PXDNL: variants seen among roughly 807,000 people sequenced by gnomAD.
The protein encoded by PXDNL is probable oxidoreductase PXDNL.
In PXDNL, 145 loss-of-function variants were observed where a neutral mutation model predicts 150.8. That is an observed-to-expected ratio of 0.96 (90% CI 0.84 to 1.10). The LOEUF (loss-of-function observed/expected upper bound fraction) is 1.10. PXDNL is among the 50% of genes least tolerant of loss of function. The pLI is 0.00. For synonymous variants in PXDNL, 757 were observed against 725.7 expected, an observed-to-expected ratio of 1.04 and a Z score of -0.69; for missense variants, 2,087 against 1,873.9, an observed-to-expected ratio of 1.11 and a Z score of -2.10.
intron 2 of PXDNL, among the ~76,000 whole-genome samples, chr8:51,620,363 A>G (rs1003303031): frequency 5.9e-5 from 9 of 152,208 alleles, no homozygotes; most frequent in African/African-American, 2.2e-4. Context: ...AAGTTTCCAA[A>G]TCTGCTGTAC....
intron 4 of PXDNL, among the ~76,000 whole-genome samples, chr8:51,535,613 C>A (rs891791229): frequency 7.3e-6 from 1 of 137,258 alleles, no homozygotes; most frequent in East Asian, 2.1e-4. Flanking sequence ...CTAGGAAAAC[C>A]AGAGACCTTT....
intron 13 of PXDNL, among the ~76,000 whole-genome samples, 192 bp from the exon 14 acceptor site, chr8:51,423,923 T>A (rs1175518383): frequency 6.6e-6 from 1 of 151,984 alleles, no homozygotes; most frequent in African/African-American, 2.4e-5. Flanking sequence ...GGAAGTGTGG[T>A]TTTTCTCTCT....
chr8:51,472,343 C>T lies in PXDNL; in HGVS notation c.695-39G>A, dbSNP rs201143656. ...ATTATTGATGTATTTTTCAGAGATACAAAATTATGGCCTTCCAAGATGCTG... is the reference window on the plus strand; with the variant it reads ...ATTATTGATGTATTTTTCAGAGATATAAAATTATGGCCTTCCAAGATGCTG... On this transcript the variant is annotated intron_variant, in intron 7 of 22. Coordinates refer to ENST00000356297, the MANE Select transcript of PXDNL (RefSeq NM_144651.5). 293 of 1,485,280 alleles carry T rather than the reference C, an allele frequency of 2.0e-4. 2 individuals carry two copies. The African/African-American group carries it at 3.7e-3, about 19-fold the overall frequency. 92.0% of individuals were successfully genotyped at this position (1,485,280 alleles called of 1,614,324 possible).
intron 4 of PXDNL, among the ~76,000 whole-genome samples, chr8:51,517,102 G>A (rs921140763): frequency 3.9e-5 from 6 of 151,968 alleles, no homozygotes; most frequent in Admixed American, 1.3e-4. Context: ...CTTTCACTAC[G>A]GATGCTCAGC....
At chr8:51,582,948 A>G (rs1585597699) in intron 3 of PXDNL, among the ~76,000 whole-genome samples, 1 of 152,210 alleles carries the variant, frequency 6.6e-6, no homozygotes, top group Non-Finnish European at 1.5e-5. Flanking sequence ...GGATAGTTAC[A>G]TTGAAGGAAT....
At position 51,331,557 on chromosome 8, in the gene PXDNL, G is replaced by T. The variant is rs115065202; in HGVS notation, c.4146+8067C>A. ...GGAAGAACTAAAGCCCTTTTCTTTC[G>T]TAGCTGGGAGGCAGAAAGCCTGAAA... On this transcript the variant is annotated intron_variant, in intron 21 of 22. Transcript: ENST00000356297. Among the ~76,000 whole-genome samples, 772 of 152,212 alleles carry T rather than the reference G, an allele frequency of 5.1e-3. 6 individuals are homozygous for T. Among genetic ancestry groups the T allele is most frequent in the African/African-American group, 0.018 (744 of 41,540 alleles).
intron 3 of PXDNL, among the ~76,000 whole-genome samples, chr8:51,583,780 A>G (rs1279312330): frequency 6.6e-6 from 1 of 152,184 alleles, no homozygotes; most frequent in Non-Finnish European, 1.5e-5. Flanking sequence ...TGTTGGATGG[A>G]TGGACAGATG....
Position 51,618,084 on chromosome 8 carries a change from A to C in PXDNL, c.237-25386T>G, listed in dbSNP as rs368371759. On this transcript the variant is annotated intron_variant, in intron 2 of 22. Coordinates refer to ENST00000356297, the MANE Select transcript of PXDNL (RefSeq NM_144651.5). Reference sequence around the variant, plus strand: ...GCAGCTCCCTGGTGAGTCATTGTGCAACAAAAATGGCCTTCTGGGCCCCCA... The same window carrying C: ...GCAGCTCCCTGGTGAGTCATTGTGCCACAAAAATGGCCTTCTGGGCCCCCA... 2.5e-3 allele frequency among the ~76,000 whole-genome samples: 383 copies of C among 152,354 alleles called. 3 individuals carry two copies. The highest frequency in any genetic ancestry group is 8.6e-3 in the African/African-American group (359 of 41,588).
At chr8:51,797,240 A>C (rs558863071) in intron 1 of PXDNL, among the ~76,000 whole-genome samples, 2 of 152,350 alleles carry the variant, frequency 1.3e-5, no homozygotes, top group Admixed American at 1.3e-4. Flanking sequence ...AAAAGCTAGA[A>C]GCATTCCCCT....
intron 5 of PXDNL, among the ~76,000 whole-genome samples, chr8:51,491,294 C>T (rs896081580): frequency 1.3e-5 from 2 of 152,046 alleles, no homozygotes; most frequent in Admixed American, 1.3e-4. Flanking sequence ...TTCTGTCCCT[C>T]TAGAGAACCC....
At chr8:51,393,535 A>G (rs1774772740) in intron 17 of PXDNL, among the ~76,000 whole-genome samples, 1 of 152,270 alleles carries the variant, frequency 6.6e-6, no homozygotes, top group Non-Finnish European at 1.5e-5. Context: ...CAAAACAGAA[A>G]ATAAAAACAA....
At chr8:51,404,405 G>C (rs1808374629) in intron 17 of PXDNL, among the ~76,000 whole-genome samples, 3 of 149,432 alleles carry the variant, frequency 2.0e-5, no homozygotes, top group Admixed American at 2.0e-4. Flanking sequence ...AGTCCTGATT[G>C]GTGCATTTAT....
intron 13 of PXDNL, among the ~76,000 whole-genome samples, chr8:51,425,576 G>T (rs868601928): frequency 6.6e-6 from 1 of 152,238 alleles, no homozygotes; most frequent in Admixed American, 6.5e-5. Context: ...GCTCACACTT[G>T]TAATCCCAGC....
At chr8:51,381,941 T>A (rs1807562382) in intron 17 of PXDNL, among the ~76,000 whole-genome samples, 1 of 151,878 alleles carries the variant, frequency 6.6e-6, no homozygotes, top group African/African-American at 2.4e-5. Context: ...CAATAGTGAA[T>A]TTTTTTATTA....
intron 4 of PXDNL, among the ~76,000 whole-genome samples, chr8:51,530,921 A>G (rs999997636): frequency 3.3e-5 from 5 of 152,186 alleles, no homozygotes; most frequent in Admixed American, 1.3e-4. Context: ...TCACTGATTG[A>G]TTTCCAGTGC....
At chr8:51,736,231 T>C (rs536904357) in intron 1 of PXDNL, among the ~76,000 whole-genome samples, 4 of 152,336 alleles carry the variant, frequency 2.6e-5, no homozygotes, top group African/African-American at 9.6e-5. Flanking sequence ...CATATACATT[T>C]GTATAGAGTG....
chr8:51,657,181 C>T (rs1401985540), intron 1 of PXDNL, among the ~76,000 whole-genome samples: 3 of 152,148 alleles, frequency 2.0e-5, no homozygotes. Context: ...TGTTGACTAT[C>T]TCATGCAATT....
chr8:51,595,471 G>C (rs970951889), intron 2 of PXDNL, among the ~76,000 whole-genome samples: 1 of 152,116 alleles, frequency 6.6e-6, no homozygotes, highest in African/African-American at 2.4e-5. Context: ...TACTCCACAA[G>C]TGAATCATTA....
At chr8:51,602,664 C>T (rs552877188) in intron 2 of PXDNL, among the ~76,000 whole-genome samples, 1 of 151,774 alleles carries the variant, frequency 6.6e-6, no homozygotes, top group East Asian at 1.9e-4. Flanking sequence ...TTTTGATGGA[C>T]ATTAACTTAA....
Sources: gnomAD v4.1 joint callset for allele counts (sites outside exome capture counted in the v4.1 genomes callset) on GRCh38, gnomAD v4.1.1 for gene constraint, MANE v1.5 for transcripts, NCBI Gene and HGNC (gene_info 2026-07-23, HGNC 2026-07-21) for gene names.